The following HMCN1 variants were observed in gnomAD, a reference collection of about 807,000 sequenced individuals.
HMCN1 encodes hemicentin 1.
HMCN1 carries 321 observed loss-of-function variants against 625.9 expected under a neutral mutation model. That is an observed-to-expected ratio of 0.51 (90% confidence interval 0.47 to 0.56). The LOEUF is 0.56. Ranked by LOEUF, HMCN1 falls within the 20% of genes least tolerant of loss-of-function variation. The pLI is 0.00. For missense variants in HMCN1, 6,588 were observed against 6,887.3 expected (o/e 0.96, Z 1.54); for synonymous variants, 2,425 against 2,417.6 (o/e 1.00, Z -0.09).
chr1:185,950,991 C>A (rs1332640151), intron 11 of HMCN1, among the ~76,000 whole-genome samples: 2 of 149,716 alleles, frequency 1.3e-5, no homozygotes, highest in African/African-American at 2.5e-5. Context: ...CTGTAGCAGG[C>A]GAGTGATAAC....
chr1:186,057,085 C>T (rs1257275880), intron 45 of HMCN1, 149 bp from the exon 46 acceptor site: 1 of 646,772 alleles, frequency 1.5e-6, no homozygotes, highest in African/African-American at 1.8e-5. Flanking sequence ...GTTGTGATTG[C>T]TTATTTTGCT....
At chr1:185,755,447 G>C (rs567216785) in intron 1 of HMCN1, among the ~76,000 whole-genome samples, 4 of 152,330 alleles carry the variant, frequency 2.6e-5, no homozygotes, top group African/African-American at 9.6e-5. Context: ...CAATCGGTCA[G>C]ATCTTATCTG....
At chr1:185,800,986 T>C (rs1658755750) in intron 1 of HMCN1, among the ~76,000 whole-genome samples, 1 of 152,208 alleles carries the variant, frequency 6.6e-6, no homozygotes, top group Admixed American at 6.5e-5. Flanking sequence ...TTTAAAAACC[T>C]GTACAAAGCA....
At chr1:185,883,331 A>G (rs1356307782) in intron 4 of HMCN1, among the ~76,000 whole-genome samples, 1 of 152,084 alleles carries the variant, frequency 6.6e-6, no homozygotes, top group Non-Finnish European at 1.5e-5. Context: ...ACAAATGTAT[A>G]TGCTTATGTA....
intron 1 of HMCN1, among the ~76,000 whole-genome samples, chr1:185,804,498 C>T (rs1305682878): frequency 6.6e-6 from 1 of 152,038 alleles, no homozygotes; most frequent in Non-Finnish European, 1.5e-5. Context: ...AGCTTCATTT[C>T]CTGCAAGATC....
At chr1:186,017,821 T>C (rs915771761) in intron 33 of HMCN1, among the ~76,000 whole-genome samples, 4 of 152,050 alleles carry the variant, frequency 2.6e-5, no homozygotes, top group African/African-American at 7.2e-5. Context: ...TATACATTTA[T>C]GGGTTACATG....
At chr1:185,861,750 A>C (rs199566367) in intron 2 of HMCN1, among the ~76,000 whole-genome samples, 1 of 152,234 alleles carries the variant, frequency 6.6e-6, no homozygotes, top group African/African-American at 2.4e-5. Context: ...AGTGTAAAGC[A>C]TAGTAGAATA....
Position 185,994,873 on chromosome 1 carries a change from G to T in HMCN1, c.3564G>T (p.Val1188=). The part of the protein sequence containing the change: ...KHLKVQVGQR[V]DIPCNAQGTP... ...TCAAAGTCCAAGTTGGTCAAAGAGTGGATATTCCATGTAATGCTCAAGGGA... is the reference window on the plus strand; with the variant it reads ...TCAAAGTCCAAGTTGGTCAAAGAGTTGATATTCCATGTAATGCTCAAGGGA... The change falls in exon 24 of 107, where the codon GTG becomes GTT. Residue 1188 remains valine (V), a synonymous_variant. Coordinates refer to ENST00000271588, the MANE Select transcript of HMCN1 (RefSeq NM_031935.3). 1 of 1,613,734 alleles carries T rather than the reference G, an allele frequency of 6.2e-7. No homozygotes were observed. Among genetic ancestry groups the T allele is most frequent in the African/African-American group, 1.3e-5 (1 of 75,028 alleles).
chr1:186,048,699 A>G (rs1409163229), intron 41 of HMCN1, 44 bp from the exon 42 acceptor site: 4 of 1,152,640 alleles, frequency 3.5e-6, no homozygotes, highest in African/African-American at 1.5e-5. Context: ...AAAAACCCCA[A>G]GTGAAATAGA....
intron 89 of HMCN1, 79 bp from the exon 90 acceptor site, chr1:186,144,094 G>C: frequency 7.5e-7 from 1 of 1,329,724 alleles, no homozygotes; most frequent in Non-Finnish European, 1.0e-6. Context: ...GCTCATTACT[G>C]AGTTAATTTA....
chr1:185,736,365 A>T (rs1334963766), intron 1 of HMCN1, among the ~76,000 whole-genome samples: 2 of 152,130 alleles, frequency 1.3e-5, no homozygotes, highest in African/African-American at 4.8e-5. Flanking sequence ...GAATTGAATG[A>T]TTATTTACTG....
chr1:185,971,613 A>T (rs1218077329), intron 15 of HMCN1, among the ~76,000 whole-genome samples: 2 of 152,216 alleles, frequency 1.3e-5, no homozygotes, highest in African/African-American at 2.4e-5. Flanking sequence ...AGAACTGTAA[A>T]GAAAATGCTT....
chr1:185,738,761 A>T (rs1477380523), intron 1 of HMCN1, among the ~76,000 whole-genome samples: 1 of 152,226 alleles, frequency 6.6e-6, no homozygotes, highest in Non-Finnish European at 1.5e-5. Context: ...GTTCTTTATT[A>T]TAGCACATAG....
At chr1:185,861,950 A>C (rs952913228) in intron 2 of HMCN1, among the ~76,000 whole-genome samples, 5 of 152,188 alleles carry the variant, frequency 3.3e-5, no homozygotes, top group Non-Finnish European at 5.9e-5. Context: ...CAGTGAGCTT[A>C]TACAATAATG....
chr1:185,894,199 C>T (rs1447209809), intron 4 of HMCN1, among the ~76,000 whole-genome samples: 2 of 151,836 alleles, frequency 1.3e-5, no homozygotes, highest in Admixed American at 6.6e-5. Context: ...ACAAAAATAA[C>T]ATAGATTAAT....
At position 185,926,799 on chromosome 1, in the gene HMCN1, T is replaced by A. The variant is rs181665010; in HGVS notation, c.1430+1608T>A. 2.2e-4 allele frequency among the ~76,000 whole-genome samples: 34 copies of A among 152,330 alleles called. No individual in the cohort carries two copies. In the East Asian group the frequency reaches 4.8e-3, roughly 22 times the overall value. On this transcript the variant is annotated intron_variant, in intron 9 of 106. Transcript: ENST00000271588. ...TAATGTTTGTTTATGTCAGTCACTTTGGTCACCAGGGGATGTAAGAGAGAA... is the reference window on the plus strand; with the variant it reads ...TAATGTTTGTTTATGTCAGTCACTTAGGTCACCAGGGGATGTAAGAGAGAA...
chr1:185,832,759 A>G (rs891330203), intron 1 of HMCN1, among the ~76,000 whole-genome samples: 1 of 152,218 alleles, frequency 6.6e-6, no homozygotes, highest in South Asian at 2.1e-4. Context: ...AAAGATTAAT[A>G]AAGTTTACTT....
At chr1:186,186,759 AT>A (rs1167960799) in intron 105 of HMCN1, among the ~76,000 whole-genome samples, 1 of 152,198 alleles carries the variant, frequency 6.6e-6, no homozygotes, top group Admixed American at 6.5e-5. Flanking sequence ...GAGGAGAATT[AT>A]GGAAAATGAG....
At chr1:185,793,418 T>C (rs1417762060) in intron 1 of HMCN1, among the ~76,000 whole-genome samples, 1 of 152,168 alleles carries the variant, frequency 6.6e-6, no homozygotes, top group Non-Finnish European at 1.5e-5. Flanking sequence ...CTTTCTTGCC[T>C]CCCTCTTGTA....
Sources: gnomAD v4.1 joint callset for allele counts (sites outside exome capture counted in the v4.1 genomes callset) on GRCh38, gnomAD v4.1.1 for gene constraint, MANE v1.5 for transcripts, NCBI Gene and HGNC (gene_info 2026-07-23, HGNC 2026-07-21) for gene names.